FMNL2: variants seen among roughly 807,000 people sequenced by gnomAD.
FMNL2 encodes formin like 2, also known as formin-like protein 2.
Under a neutral mutation model 130.2 loss-of-function variants are expected in FMNL2, and 51 were observed. The ratio of observed to expected loss-of-function variants is 0.39; its 90% CI spans 0.31 to 0.49. The LOEUF (loss-of-function observed/expected upper bound fraction) is 0.49, where lower values mean the gene tolerates loss of function less well. Ranked by LOEUF, FMNL2 falls within the 20% of genes least tolerant of loss-of-function variation. The pLI, the probability that FMNL2 is intolerant of heterozygous loss-of-function variation, is 0.85. For missense variants in FMNL2, 977 were observed against 1,316.2 expected, an observed-to-expected ratio of 0.74 and a Z score of 3.99; for synonymous variants, 465 against 467.1, an observed-to-expected ratio of 1.00 and a Z score of 0.06.
chr2:152,593,284 C>G (rs780548042), intron 9 of FMNL2, among the ~76,000 whole-genome samples: 6 of 151,342 alleles, frequency 4.0e-5, no homozygotes, highest in Non-Finnish European at 7.4e-5. Context: ...AAGATAGATA[C>G]AAATAGAAGG....
At chr2:152,494,838 T>C (rs988447331) in intron 1 of FMNL2, among the ~76,000 whole-genome samples, 1 of 152,370 alleles carries the variant, frequency 6.6e-6, no homozygotes, top group South Asian at 2.1e-4. Context: ...TTTTGACTCT[T>C]GGCTCTGAAA....
chr2:152,426,649 C>G (rs1687218166), intron 1 of FMNL2, among the ~76,000 whole-genome samples: 1 of 152,032 alleles, frequency 6.6e-6, no homozygotes. Context: ...TCAAAGCTCC[C>G]CAGATGATTC....
intron 1 of FMNL2, among the ~76,000 whole-genome samples, chr2:152,408,671 C>T (rs907573909): frequency 1.3e-5 from 2 of 152,040 alleles, no homozygotes; most frequent in African/African-American, 2.4e-5. Context: ...CCCTATGAAA[C>T]ATCCTAGCCT....
At chr2:152,336,092 AAAAACAAAAC>A (rs4035883) in intron 1 of FMNL2, among the ~76,000 whole-genome samples, 3 of 132,268 alleles carry the variant, frequency 2.3e-5, no homozygotes, top group African/African-American at 8.6e-5. Context: ...TTTTTTTAAA[AAAAACAAAAC>A]AAAACAAAAC....
At chr2:152,598,142 G>A (rs1697865015) in intron 9 of FMNL2, among the ~76,000 whole-genome samples, 1 of 152,190 alleles carries the variant, frequency 6.6e-6, no homozygotes. Context: ...AATTGCTGCA[G>A]GCTTTAGACA....
intron 1 of FMNL2, among the ~76,000 whole-genome samples, chr2:152,391,253 A>G (rs1685090985): frequency 6.6e-6 from 1 of 152,222 alleles, no homozygotes; most frequent in East Asian, 1.9e-4. Flanking sequence ...TCCTCAAAGG[A>G]TGACTTAGAG....
chr2:152,621,065 G>A lies in FMNL2; in HGVS notation c.1837+1347G>A, dbSNP rs182163088. 1.3e-3 allele frequency: 1,287 copies of A among 985,364 alleles called. 1 individual carries two copies. The highest frequency in any genetic ancestry group is 2.1e-3 in the Middle Eastern group (4 of 1,914). 61.0% of individuals were successfully genotyped at this position (985,364 alleles called of 1,614,324 possible). Reference sequence around the variant, plus strand: ...AACAAGAAACCTCATATCAAGCCCCGGGAATGTGTTCCATCACCAGGCTGT... The same window carrying A: ...AACAAGAAACCTCATATCAAGCCCCAGGAATGTGTTCCATCACCAGGCTGT... On this transcript the variant is annotated intron_variant, in intron 15 of 25. Transcript: ENST00000288670.
At chr2:152,401,898 CTTTTTTTTTTT>C (rs70974858) in intron 1 of FMNL2, among the ~76,000 whole-genome samples, 6 of 78,556 alleles carry the variant, frequency 7.6e-5, no homozygotes, top group African/African-American at 1.6e-4. Flanking sequence ...TGTGTTTAAT[CTTTTTTTTTTT>C]TTTTTTTTTT....
intron 6 of FMNL2, among the ~76,000 whole-genome samples, chr2:152,570,206 T>G (rs927021633): frequency 9.9e-5 from 15 of 152,142 alleles, no homozygotes; most frequent in Admixed American, 1.3e-4. Flanking sequence ...TTAAGTCAGT[T>G]TTGTAATCTG....
rs1173410300 is a variant in FMNL2 at position 152,581,093 on chromosome 2, C to A, written c.876+44C>A. On this transcript the variant is annotated intron_variant, in intron 9 of 25. Coordinates refer to ENST00000288670, the MANE Select transcript of FMNL2 (RefSeq NM_052905.4). ...TTCATAAGAATACTCACACATCTTA[C>A]ATTTGGACATCTTTGAACGGAATTA... 4 of 1,522,126 alleles carry A rather than the reference C, an allele frequency of 2.6e-6. No homozygotes were observed. The African/African-American group carries it at 4.1e-5, about 16-fold the overall frequency. 94.3% of individuals were successfully genotyped at this position (1,522,126 alleles called of 1,614,324 possible).
chr2:152,372,386 C>G (rs749026572), intron 1 of FMNL2, among the ~76,000 whole-genome samples: 1 of 152,190 alleles, frequency 6.6e-6, no homozygotes, highest in Non-Finnish European at 1.5e-5. Flanking sequence ...CTTCAGATAG[C>G]TACATAAATT....
intron 9 of FMNL2, among the ~76,000 whole-genome samples, chr2:152,599,859 T>C (rs1479449054): frequency 6.6e-6 from 1 of 152,184 alleles, no homozygotes; most frequent in Non-Finnish European, 1.5e-5. Context: ...ATGAACATAT[T>C]CACAGTTAAA....
intron 1 of FMNL2, among the ~76,000 whole-genome samples, chr2:152,411,363 T>C (rs1223978978): frequency 1.3e-5 from 2 of 152,140 alleles, no homozygotes; most frequent in Admixed American, 1.3e-4. Context: ...GGAAGAATGC[T>C]GAAAAAAGAG....
intron 1 of FMNL2, among the ~76,000 whole-genome samples, chr2:152,502,991 A>T (rs1421138118): frequency 1.3e-5 from 2 of 152,138 alleles, no homozygotes; most frequent in Non-Finnish European, 2.9e-5. Flanking sequence ...GGCAAGTGAT[A>T]GTTGGTGCTC....
intron 14 of FMNL2, 71 bp downstream of exon 14, chr2:152,619,229 C>T: frequency 6.8e-7 from 1 of 1,472,018 alleles, no homozygotes; most frequent in African/African-American, 1.4e-5. Flanking sequence ...CAACTGTCCA[C>T]TTCTGTCCTT....
intron 1 of FMNL2, among the ~76,000 whole-genome samples, chr2:152,387,905 C>G (rs1684875182): frequency 1.3e-5 from 2 of 151,852 alleles, no homozygotes; most frequent in Admixed American, 1.3e-4. Flanking sequence ...CCTCTTGACT[C>G]AACCTACCGA....
chr2:152,457,502 A>G (rs1329628840), intron 1 of FMNL2, among the ~76,000 whole-genome samples: 1 of 152,236 alleles, frequency 6.6e-6, no homozygotes, highest in East Asian at 1.9e-4. Flanking sequence ...TCTCCAAAGT[A>G]GTGACACTTA....
intron 1 of FMNL2, among the ~76,000 whole-genome samples, chr2:152,422,744 G>A (rs536156773): frequency 6.6e-6 from 1 of 152,252 alleles, no homozygotes; most frequent in South Asian, 2.1e-4. Flanking sequence ...TCCCAGGCTG[G>A]TCTTGAACTC....
chr2:152,480,633 TAAAAAAAAA>T (rs58943356), intron 1 of FMNL2, among the ~76,000 whole-genome samples: 11 of 37,370 alleles, frequency 2.9e-4, no homozygotes, highest in East Asian at 1.1e-3. Flanking sequence ...AGACTCTGTC[TAAAAAAAAA>T]AAAAAAAAAA....
Sources: gnomAD v4.1 joint callset for allele counts (sites outside exome capture counted in the v4.1 genomes callset) on GRCh38, gnomAD v4.1.1 for gene constraint, MANE v1.5 for transcripts, NCBI Gene and HGNC (gene_info 2026-07-23, HGNC 2026-07-21) for gene names.